The following ZEB1 variants were observed in gnomAD, a reference collection of about 807,000 sequenced individuals.
The protein encoded by ZEB1 is zinc finger E-box binding homeobox 1.
A neutral mutation model predicts 84.9 loss-of-function variants in ZEB1; 21 were observed. The ratio of observed to expected loss-of-function variants is 0.25; its 90% CI spans 0.18 to 0.36. The LOEUF (loss-of-function observed/expected upper bound fraction) is 0.36, where lower values mean the gene tolerates loss of function less well. ZEB1 is among the 10% of genes least tolerant of loss of function. The probability of loss-of-function intolerance (pLI) is 1.00; values close to 1 mark genes in which losing one functional copy is unlikely to be tolerated. For missense variants in ZEB1, 1,104 were observed against 1,330.2 expected (o/e 0.83, Z 2.65); for synonymous variants, 420 against 471.1 (o/e 0.89, Z 1.41).
intron 6 of ZEB1, among the ~76,000 whole-genome samples, chr10:31,516,036 A>T (rs1351974007): frequency 6.6e-6 from 1 of 152,116 alleles, no homozygotes; most frequent in Non-Finnish European, 1.5e-5. Flanking sequence ...GTCATGGAAG[A>T]TTTATCAGAT....
intron 1 of ZEB1, among the ~76,000 whole-genome samples, chr10:31,340,252 A>G (rs1351409240): frequency 6.6e-6 from 1 of 152,144 alleles, no homozygotes; most frequent in African/African-American, 2.4e-5. Flanking sequence ...CATACCAAGC[A>G]TATCCTGCTT....
At chr10:31,393,353 A>G (rs2050134134) in intron 1 of ZEB1, among the ~76,000 whole-genome samples, 1 of 152,166 alleles carries the variant, frequency 6.6e-6, no homozygotes, top group South Asian at 2.1e-4. Flanking sequence ...TCCAGGAAGA[A>G]CAGTTTGTGA....
chr10:31,526,958 C>T lies in ZEB1; in HGVS notation c.3072C>T (p.Asp1024=), dbSNP rs965529717. Reference sequence around the variant, plus strand: ...CGTCTCCCTCACAGGGCGACTCGGACGAGAGAGAGAGTTTGACAAGGGAAG... The same window carrying T: ...CGTCTCCCTCACAGGGCGACTCGGATGAGAGAGAGAGTTTGACAAGGGAAG... The part of the protein sequence containing the change: ...ARASPSQGDS[D]ERESLTREED... The change falls in exon 9 of 9, where the codon GAC becomes GAT. Residue 1024 remains aspartate, a synonymous_variant. Transcript: ENST00000424869. The T allele has an allele frequency of 2.7e-5, 43 of 1,612,628 alleles. No individual in the cohort carries two copies. The highest frequency in any genetic ancestry group is 4.5e-5 in the East Asian group (2 of 44,740).
At chr10:31,403,004 G>A (rs1032400201) in intron 1 of ZEB1, among the ~76,000 whole-genome samples, 3 of 152,004 alleles carry the variant, frequency 2.0e-5, no homozygotes, top group Non-Finnish European at 4.4e-5. Context: ...AAGAAATTCA[G>A]TACAAATATA....
chr10:31,393,765 A>G (rs2050211738), intron 1 of ZEB1, among the ~76,000 whole-genome samples: 1 of 152,218 alleles, frequency 6.6e-6, no homozygotes, highest in Non-Finnish European at 1.5e-5. Context: ...AGAACCATTA[A>G]AAGTGACTTC....
intron 1 of ZEB1, among the ~76,000 whole-genome samples, chr10:31,380,581 G>A (rs1184763169): frequency 6.6e-6 from 1 of 152,156 alleles, no homozygotes; most frequent in East Asian, 1.9e-4. Flanking sequence ...TGTCATTAGG[G>A]TTTGCAAGAG....
At chr10:31,505,951 C>T (rs1032887980) in intron 4 of ZEB1, among the ~76,000 whole-genome samples, 7 of 151,804 alleles carry the variant, frequency 4.6e-5, no homozygotes, top group Non-Finnish European at 1.0e-4. Context: ...TTTTGATTTT[C>T]ATTTAAAGAA....
chr10:31,437,499 A>C (rs1180455469), intron 1 of ZEB1, among the ~76,000 whole-genome samples: 2 of 152,188 alleles, frequency 1.3e-5, no homozygotes, highest in Admixed American at 1.3e-4. Context: ...TTCCAATTAA[A>C]ATTTCATTAA....
At chr10:31,498,566 A>G (rs2067624673) in intron 3 of ZEB1, among the ~76,000 whole-genome samples, 1 of 152,022 alleles carries the variant, frequency 6.6e-6, no homozygotes, top group Non-Finnish European at 1.5e-5. Flanking sequence ...CAACAACCCT[A>G]AGAGGTACTG....
At chr10:31,397,218 G>A (rs976722781) in intron 1 of ZEB1, among the ~76,000 whole-genome samples, 5 of 144,564 alleles carry the variant, frequency 3.5e-5, no homozygotes, top group African/African-American at 1.0e-4. Context: ...AAGTTCTAGG[G>A]TACATGTGCA....
chr10:31,484,339 C>A (rs947290479), intron 2 of ZEB1, among the ~76,000 whole-genome samples: 1 of 151,940 alleles, frequency 6.6e-6, no homozygotes. Flanking sequence ...GTTCATAAAC[C>A]ACTGGCTAAT....
In ZEB1 at chr10:31,408,656, A is replaced by G. The variant is rs1329287271; in HGVS notation, c.59-52381A>G. Among the ~76,000 whole-genome samples the G allele has an allele frequency of 5.7e-3, 827 of 144,932 alleles. 7 individuals carry two copies. The highest frequency in any genetic ancestry group is 0.02 in the African/African-American group (757 of 37,534). On this transcript the variant is annotated intron_variant, in intron 1 of 8. Coordinates refer to ENST00000424869, the MANE Select transcript of ZEB1 (RefSeq NM_001174096.2). ...ACAAGCAATGGGGAAAGGATTCCCT[A>G]TTTAATAAATGGTGCTGGGAAAACT...
intron 1 of ZEB1, among the ~76,000 whole-genome samples, chr10:31,448,729 G>A (rs1180981639): frequency 6.6e-6 from 1 of 152,150 alleles, no homozygotes; most frequent in Non-Finnish European, 1.5e-5. Flanking sequence ...CTGCTAAGGG[G>A]TCAGGGGTCA....
At chr10:31,345,904 T>G (rs1431772333) in intron 1 of ZEB1, among the ~76,000 whole-genome samples, 1 of 152,178 alleles carries the variant, frequency 6.6e-6, no homozygotes, top group Non-Finnish European at 1.5e-5. Flanking sequence ...TGAAAAAGAT[T>G]TTTAAAAGTC....
rs779613581 is a variant in ZEB1 at position 31,391,265 on chromosome 10, G to GTGTA, written c.59-69769_59-69768insATGT. 4.8e-3 allele frequency among the ~76,000 whole-genome samples: 708 copies of GTGTA among 147,192 alleles called. 15 individuals are homozygous for GTGTA. The highest frequency in any genetic ancestry group is 0.021 in the Middle Eastern group (6 of 292). On this transcript the variant is annotated intron_variant, in intron 1 of 8. Transcript: ENST00000424869. Reference sequence around the variant, plus strand: ...TGTGTGTGTGTGTGTGTGTGTGTGTGTGTGTGTGTGTGAGATCCAATAATT... The same window carrying GTGTA: ...TGTGTGTGTGTGTGTGTGTGTGTGTGTGTATGTGTGTGTGTGAGATCCAATAATT...
intron 1 of ZEB1, among the ~76,000 whole-genome samples, chr10:31,359,511 G>C (rs2042644236): frequency 6.6e-6 from 1 of 152,078 alleles, no homozygotes; most frequent in Non-Finnish European, 1.5e-5. Context: ...GCCAGCTTCT[G>C]TTAACACAGG....
At chr10:31,435,491 T>C (rs59510564) in intron 1 of ZEB1, among the ~76,000 whole-genome samples, 5,059 of 152,082 alleles carry the variant, frequency 0.033, 264 homozygotes, top group African/African-American at 0.11. Context: ...TTGAAGGAAA[T>C]AGGATGATGT....
intron 1 of ZEB1, among the ~76,000 whole-genome samples, chr10:31,455,566 GA>G (rs1343122074): frequency 6.9e-6 from 1 of 144,146 alleles, no homozygotes; most frequent in East Asian, 2.0e-4. Flanking sequence ...AAATTTACAA[GA>G]AAAAAACAAC....
At chr10:31,469,062 T>G (rs896122179) in intron 2 of ZEB1, among the ~76,000 whole-genome samples, 1 of 152,172 alleles carries the variant, frequency 6.6e-6, no homozygotes, top group African/African-American at 2.4e-5. Flanking sequence ...AACATAGATA[T>G]ATTTTTTAAA....
Sources: allele counts gnomAD v4.1 joint callset (sites outside exome capture counted in the v4.1 genomes callset), GRCh38; gene constraint gnomAD v4.1.1; transcripts MANE v1.5; gene names NCBI Gene and HGNC (gene_info 2026-07-23, HGNC 2026-07-21).